Variants in PTPRD observed in about 807,000 individuals in gnomAD.
PTPRD encodes the protein protein tyrosine phosphatase receptor type D.
Under a neutral mutation model 214.5 loss-of-function variants are expected in PTPRD, and 34 were observed. The ratio of observed to expected loss-of-function variants is 0.16; its 90% CI spans 0.12 to 0.21. The LOEUF (loss-of-function observed/expected upper bound fraction) is 0.21. PTPRD is among the 10% of genes least tolerant of loss of function. The pLI, the probability that PTPRD is intolerant of heterozygous loss-of-function variation, is 1.00. For missense variants in PTPRD, 2,545 were observed against 2,398.7 expected (o/e 1.06, Z -1.27); for synonymous variants, 1,128 against 845.7 (o/e 1.33, Z -5.79).
chr9:9,315,070 A>G (rs995581794), intron 9 of PTPRD, among the ~76,000 whole-genome samples: 3 of 152,034 alleles, frequency 2.0e-5, no homozygotes, highest in South Asian at 2.1e-4. Context: ...ACTAAGGCCA[A>G]CTAAAGTTGT....
chr9:10,379,215 A>G (rs2097777792), intron 2 of PTPRD, among the ~76,000 whole-genome samples: 1 of 151,692 alleles, frequency 6.6e-6, no homozygotes, highest in Admixed American at 6.6e-5. Flanking sequence ...CTGCAAATTT[A>G]AAGGATTTGT....
intron 12 of PTPRD, among the ~76,000 whole-genome samples, chr9:8,680,618 T>C (rs773805907): frequency 6.6e-6 from 1 of 152,192 alleles, no homozygotes; most frequent in East Asian, 1.9e-4. Context: ...ATATATGATA[T>C]TAAATATACA....
chr9:8,369,076 C>T (rs1214933369), intron 39 of PTPRD, among the ~76,000 whole-genome samples: 3 of 152,178 alleles, frequency 2.0e-5, no homozygotes, highest in South Asian at 2.1e-4. Flanking sequence ...CTATGGTTCA[C>T]GTTTGTCAGC....
intron 5 of PTPRD, among the ~76,000 whole-genome samples, chr9:9,805,937 C>A (rs1598355873): frequency 1.3e-5 from 2 of 152,032 alleles, no homozygotes; most frequent in East Asian, 1.9e-4. Flanking sequence ...ATAAAGTGAA[C>A]CAAATTAATA....
intron 3 of PTPRD, among the ~76,000 whole-genome samples, chr9:10,097,412 C>G (rs1041356235): frequency 2.0e-5 from 3 of 148,924 alleles, no homozygotes; most frequent in Non-Finnish European, 4.4e-5. Flanking sequence ...CTTTTATTTC[C>G]TTGAGCAGTG....
intron 10 of PTPRD, among the ~76,000 whole-genome samples, chr9:9,122,719 C>A (rs953270349): frequency 2.0e-5 from 3 of 152,150 alleles, no homozygotes; most frequent in Non-Finnish European, 4.4e-5. Flanking sequence ...TCTCATTTAG[C>A]TACGTTCTGT....
chr9:8,977,659 A>C (rs1372341488), intron 11 of PTPRD, among the ~76,000 whole-genome samples: 2 of 129,688 alleles, frequency 1.5e-5, no homozygotes, highest in Non-Finnish European at 3.2e-5. Flanking sequence ...TTCTGTAACA[A>C]GGAGAATTTT....
intron 14 of PTPRD, among the ~76,000 whole-genome samples, chr9:8,592,794 G>T (rs562824610): frequency 1.4e-4 from 22 of 152,124 alleles, no homozygotes; most frequent in Non-Finnish European, 2.6e-4. Context: ...AACATGCTGC[G>T]TGTTAATGCA....
intron 9 of PTPRD, among the ~76,000 whole-genome samples, chr9:9,368,794 T>G (rs1447455408): frequency 6.6e-6 from 1 of 151,974 alleles, no homozygotes; most frequent in Non-Finnish European, 1.5e-5. Flanking sequence ...AGTTTTAGAG[T>G]ACATGTGCAC....
chr9:9,331,417 T>C (rs2042272432), intron 9 of PTPRD, among the ~76,000 whole-genome samples: 1 of 152,104 alleles, frequency 6.6e-6, no homozygotes, highest in Non-Finnish European at 1.5e-5. Context: ...GGACTATGCA[T>C]AGAGAGACAT....
intron 8 of PTPRD, among the ~76,000 whole-genome samples, chr9:9,398,395 C>A: frequency 6.6e-6 from 1 of 152,118 alleles, no homozygotes; most frequent in Middle Eastern, 3.4e-3. Flanking sequence ...TCCTGCTATG[C>A]CTCTGAAATA....
intron 9 of PTPRD, among the ~76,000 whole-genome samples, chr9:9,330,659 A>G (rs2041966361): frequency 6.6e-6 from 1 of 152,048 alleles, no homozygotes; most frequent in Non-Finnish European, 1.5e-5. Context: ...AAATTTTGAC[A>G]AAGAGTTAAT....
intron 4 of PTPRD, among the ~76,000 whole-genome samples, chr9:9,959,571 A>G (rs372505306): frequency 6.6e-6 from 1 of 152,212 alleles, no homozygotes; most frequent in Non-Finnish European, 1.5e-5. Flanking sequence ...TACGACAAAT[A>G]TATGAAAAAC....
chr9:9,283,979 G>T (rs140808757), intron 9 of PTPRD, among the ~76,000 whole-genome samples: 3 of 151,534 alleles, frequency 2.0e-5, no homozygotes, highest in Non-Finnish European at 4.4e-5. Flanking sequence ...TTTTGCATCT[G>T]GAAAAATAAC....
chr9:9,325,247 A>G (rs977427731), intron 9 of PTPRD, among the ~76,000 whole-genome samples: 18 of 152,152 alleles, frequency 1.2e-4, no homozygotes, highest in Non-Finnish European at 2.5e-4. Flanking sequence ...TGGTAGCTTG[A>G]TGGGGATGGC....
At chr9:8,887,546 C>T (rs1361642769) in intron 11 of PTPRD, among the ~76,000 whole-genome samples, 1 of 152,162 alleles carries the variant, frequency 6.6e-6, no homozygotes, top group African/African-American at 2.4e-5. Context: ...CTGTTGCAAA[C>T]ATCAATGTGT....
At chr9:10,025,201 G>A (rs1020224759) in intron 4 of PTPRD, among the ~76,000 whole-genome samples, 3 of 152,166 alleles carry the variant, frequency 2.0e-5, no homozygotes, top group Middle Eastern at 3.4e-3. Flanking sequence ...CTGAGGAATC[G>A]CCACACTGAC....
intron 6 of PTPRD, among the ~76,000 whole-genome samples, chr9:9,735,829 C>A (rs764836157): frequency 1.3e-5 from 2 of 152,186 alleles, no homozygotes; most frequent in South Asian, 4.1e-4. Context: ...CTGATACATT[C>A]TTTTATTGTC....
At chr9:8,686,979 G>T (rs1337534852) in intron 12 of PTPRD, among the ~76,000 whole-genome samples, 1 of 152,082 alleles carries the variant, frequency 6.6e-6, no homozygotes, top group Non-Finnish European at 1.5e-5. Flanking sequence ...ATTTCCCCCG[G>T]GGGAGAAGAG....
Sources: allele counts gnomAD v4.1 joint callset (sites outside exome capture counted in the v4.1 genomes callset), GRCh38; gene constraint gnomAD v4.1.1; transcripts MANE v1.5; gene names NCBI Gene and HGNC (gene_info 2026-07-23, HGNC 2026-07-21).